Variants in IRF2 observed in about 807,000 individuals in gnomAD.
The protein encoded by IRF2 is interferon regulatory factor 2.
A neutral mutation model predicts 40.6 loss-of-function variants in IRF2; 15 were observed. The ratio of observed to expected loss-of-function variants is 0.37; its 90% CI spans 0.25 to 0.57. IRF2 has a LOEUF of 0.57. IRF2 is among the 20% of genes least tolerant of loss of function. The probability of loss-of-function intolerance (pLI) is 0.77; values close to 1 mark genes in which losing one functional copy is unlikely to be tolerated. For synonymous variants in IRF2, 151 were observed against 165.5 expected, an observed-to-expected ratio of 0.91 and a Z score of 0.67; for missense variants, 317 against 455.7, an observed-to-expected ratio of 0.70 and a Z score of 2.77.
intron 2 of IRF2, among the ~76,000 whole-genome samples, chr4:184,422,834 G>A (rs1299157545): frequency 6.6e-6 from 1 of 152,186 alleles, no homozygotes; most frequent in Non-Finnish European, 1.5e-5. Context: ...ACTGATTAAT[G>A]GGTACAGCAT....
intron 7 of IRF2, among the ~76,000 whole-genome samples, chr4:184,396,887 G>A (rs1235838118): frequency 1.3e-5 from 2 of 152,148 alleles, no homozygotes; most frequent in East Asian, 1.9e-4. Flanking sequence ...CAGATCACTT[G>A]AGCCCAGGAG....
At position 184,429,109 on chromosome 4, in the gene IRF2, C is replaced by A. The variant is rs114977710; in HGVS notation, c.-6-39G>T. 9.9e-4 allele frequency: 1,511 copies of A among 1,530,032 alleles called. 11 individuals carry two copies. In the African/African-American group the frequency reaches 0.017, roughly 18 times the overall value. The allele number at this position is 1,530,032 out of a possible 1,614,324, so 94.8% of individuals were successfully genotyped here. On this transcript the variant is annotated intron_variant, in intron 1 of 8. Coordinates refer to ENST00000393593, the MANE Select transcript of IRF2 (RefSeq NM_002199.4). Reference sequence around the variant, plus strand: ...AACACAGCGTCAGGCGTTGGTGCCACTCAGTGTGGTGTCTGCACTGCAGAG... The same window carrying A: ...AACACAGCGTCAGGCGTTGGTGCCAATCAGTGTGGTGTCTGCACTGCAGAG...
intron 7 of IRF2, among the ~76,000 whole-genome samples, chr4:184,398,034 T>G (rs201019560): frequency 6.6e-6 from 1 of 152,150 alleles, no homozygotes; most frequent in East Asian, 1.9e-4. Context: ...CTGGCCTAAT[T>G]AGAACCTGTA....
At chr4:184,430,401 C>T (rs572264100) in intron 1 of IRF2, among the ~76,000 whole-genome samples, 63 of 150,678 alleles carry the variant, frequency 4.2e-4, no homozygotes, top group South Asian at 8.3e-4. Flanking sequence ...GTGCTCATCC[C>T]GTGCCCTCTG....
chr4:184,407,222 G>A (rs1373212400), intron 6 of IRF2: 1 of 1,289,314 alleles, frequency 7.8e-7, no homozygotes. Flanking sequence ...AATTCAGCAT[G>A]CTGCTGGCTT....
At chr4:184,424,816 A>G (rs572328969) in intron 2 of IRF2, among the ~76,000 whole-genome samples, 1 of 152,386 alleles carries the variant, frequency 6.6e-6, no homozygotes, top group South Asian at 2.1e-4. Context: ...TTTCTCTCTT[A>G]CTAAGAATGG....
rs975076296 is a variant in IRF2, at chr4:184,397,388, C to T, written c.694+1527G>A. On this transcript the variant is annotated intron_variant, in intron 7 of 8. Coordinates refer to ENST00000393593, the MANE Select transcript of IRF2 (RefSeq NM_002199.4). The stretch of plus-strand genomic sequence containing the variant: ...TTTAATGCAGACAGAGTTTCAGTTT[C>T]GCAAGATGAAAAACGTTCTGGAGGT... 3.3e-5 allele frequency among the ~76,000 whole-genome samples: 5 copies of T among 152,082 alleles called. No homozygotes were observed. The East Asian group carries it at 7.7e-4, about 23-fold the overall frequency.
Position 184,407,361 on chromosome 4 carries a change from C to G in IRF2, c.529+797G>C, listed in dbSNP as rs1736896205. On this transcript the variant is annotated intron_variant, in intron 6 of 8. Coordinates refer to ENST00000393593, the MANE Select transcript of IRF2 (RefSeq NM_002199.4). The stretch of plus-strand genomic sequence containing the variant: ...GGAAAGCAGGCTGAGGTCTTTTGGG[C>G]ACTATTCCTGTGCATCTGGCCATAC... 4.3e-6 allele frequency: 3 copies of G among 698,650 alleles called. No homozygotes were observed. The South Asian group carries it at 5.3e-5, about 12-fold the overall frequency. The allele number at this position is 698,650 out of a possible 1,614,324, so 43.3% of individuals were successfully genotyped here. A position where few individuals can be genotyped will look rare whatever the true frequency, so the allele number is the denominator to read the frequency against.
chr4:184,455,977 C>A (rs1165002886), intron 1 of IRF2, among the ~76,000 whole-genome samples: 1 of 152,194 alleles, frequency 6.6e-6, no homozygotes, highest in Non-Finnish European at 1.5e-5. Flanking sequence ...CCTGCAAAGA[C>A]GAAGGTGGGC....
At chr4:184,398,173 C>T (rs1234811650) in intron 7 of IRF2, among the ~76,000 whole-genome samples, 7 of 152,162 alleles carry the variant, frequency 4.6e-5, no homozygotes, top group African/African-American at 1.7e-4. Flanking sequence ...GCTGACTGTA[C>T]GACCCTGCGC....
chr4:184,467,806 A>G (rs1353647850), intron 1 of IRF2, among the ~76,000 whole-genome samples: 1 of 152,250 alleles, frequency 6.6e-6, no homozygotes, highest in Non-Finnish European at 1.5e-5. Flanking sequence ...AGATAGCAAC[A>G]GTGTTAAGTA....
chr4:184,442,319 C>T (rs2149909546), intron 1 of IRF2, among the ~76,000 whole-genome samples: 1 of 152,350 alleles, frequency 6.6e-6, no homozygotes, highest in Admixed American at 6.5e-5. Context: ...ACCCCTTCAC[C>T]TCCATGCTCT....
At chr4:184,418,859 T>TG in intron 3 of IRF2, 151 bp from the exon 4 acceptor site, 1 of 675,330 alleles carries the variant, frequency 1.5e-6, no homozygotes, top group Non-Finnish European at 2.5e-6. Flanking sequence ...CTGGTGTACC[T>TG]GGGGGTGAGA....
At chr4:184,451,351 T>C (rs985758943) in intron 1 of IRF2, among the ~76,000 whole-genome samples, 4 of 152,222 alleles carry the variant, frequency 2.6e-5, no homozygotes, top group African/African-American at 9.6e-5. Context: ...GTTCTCCTGA[T>C]GTCTAGGGAG....
In IRF2 at chr4:184,408,107, C is replaced by T. The variant is rs773060359; in HGVS notation, c.529+51G>A. ...AGTTCTCTGTTTTACAAATTTTAGG[C>T]CCCAGGGGGCTGCTGGTATGTATAA... On this transcript the variant is annotated intron_variant, in intron 6 of 8. Transcript: ENST00000393593. The surrounding 1 kb of genome is among the most constrained non-coding windows in gnomAD (Gnocchi z 4.9). 1.9e-6 allele frequency: 2 copies of T among 1,072,272 alleles called. No homozygotes were observed. The highest frequency in any genetic ancestry group is 1.4e-6 in the Non-Finnish European group (1 of 695,232). 66.4% of individuals were successfully genotyped at this position (1,072,272 alleles called of 1,614,324 possible). A position where few individuals can be genotyped will look rare whatever the true frequency, so the allele number is the denominator to read the frequency against.
At chr4:184,420,835 C>A (rs983538998) in intron 2 of IRF2, among the ~76,000 whole-genome samples, 1 of 152,198 alleles carries the variant, frequency 6.6e-6, no homozygotes. Flanking sequence ...AACCAAGAAG[C>A]AGATTTTAAC....
intron 5 of IRF2, among the ~76,000 whole-genome samples, chr4:184,410,955 G>T (rs1737050157): frequency 6.6e-6 from 1 of 152,088 alleles, no homozygotes; most frequent in Non-Finnish European, 1.5e-5. Flanking sequence ...ACGAAATATG[G>T]TTCAATTCCA....
chr4:184,447,970 A>T (rs1193013329), intron 1 of IRF2, among the ~76,000 whole-genome samples: 3 of 152,164 alleles, frequency 2.0e-5, no homozygotes, highest in Admixed American at 2.0e-4. Context: ...TAGTTTCCTG[A>T]TTCTGATGGC....
chr4:184,392,984 T>G (rs540120840), intron 7 of IRF2, among the ~76,000 whole-genome samples: 2 of 152,022 alleles, frequency 1.3e-5, no homozygotes, highest in African/African-American at 4.8e-5. Context: ...GCTATGAAGA[T>G]GAGCTGACGT....
Sources: allele counts gnomAD v4.1 joint callset (sites outside exome capture counted in the v4.1 genomes callset), GRCh38; gene constraint gnomAD v4.1.1; non-coding constraint Gnocchi (gnomAD v3.1); transcripts MANE v1.5; gene names NCBI Gene and HGNC (gene_info 2026-07-23, HGNC 2026-07-21).